RFT1: variants seen among roughly 807,000 people sequenced by gnomAD.
RFT1 encodes man(5)GlcNAc(2)-PP-dolichol translocation protein RFT1.
Under a neutral mutation model 62.2 loss-of-function variants are expected in RFT1, and 43 were observed. The observed-to-expected ratio is 0.69, with a 90% CI of 0.54 to 0.89. The LOEUF is 0.89. RFT1 is among the 40% of genes least tolerant of loss of function. The pLI is 0.00. For synonymous variants in RFT1, 262 were observed against 264.6 expected, an observed-to-expected ratio of 0.99 and a Z score of 0.10; for missense variants, 605 against 649.9, an observed-to-expected ratio of 0.93 and a Z score of 0.75.
the RFT1 span, among the ~76,000 whole-genome samples, chr3:53,073,869 A>G: frequency 6.6e-6 from 1 of 152,206 alleles, no homozygotes; most frequent in African/African-American, 2.4e-5. Flanking sequence ...TGTCCCAGGA[A>G]GCACAGGGCT....
chr3:53,103,812 C>T lies in RFT1; in HGVS notation c.1102+141G>A, dbSNP rs893473946. ...TGTGTCTGGAGTTGAACGAGGGGAACAGTCCCACAGCCCCTGCCACCAGAC... is the reference window on the plus strand; with the variant it reads ...TGTGTCTGGAGTTGAACGAGGGGAATAGTCCCACAGCCCCTGCCACCAGAC... On this transcript the variant is annotated intron_variant, in intron 10 of 12. Transcript: ENST00000296292. The T allele has an allele frequency of 2.2e-5, 23 of 1,038,242 alleles. No individual in the cohort carries two copies. In the African/African-American group the frequency reaches 3.3e-4, roughly 15 times the overall value. The allele number at this position is 1,038,242 out of a possible 1,614,324, so 64.3% of individuals were successfully genotyped here.
chr3:53,096,945 A>G (rs1701159908), intron 11 of RFT1, among the ~76,000 whole-genome samples: 1 of 151,956 alleles, frequency 6.6e-6, no homozygotes, highest in Admixed American at 6.6e-5. Flanking sequence ...GGGTTTCACC[A>G]TGTTGGCCAG....
intron 10 of RFT1, among the ~76,000 whole-genome samples, chr3:53,100,842 G>C (rs1045516289): frequency 1.3e-5 from 2 of 152,144 alleles, no homozygotes; most frequent in Non-Finnish European, 2.9e-5. Context: ...TTCTATGTCT[G>C]AATCTGTTTG....
At chr3:53,084,866 T>A (rs1218299852), downstream of RFT1, among the ~76,000 whole-genome samples, 2 of 152,238 alleles carry the variant, frequency 1.3e-5, no homozygotes, top group Non-Finnish European at 2.9e-5. Flanking sequence ...TCAGCTGTTA[T>A]GTCACGGGTC....
intron 6 of RFT1, among the ~76,000 whole-genome samples, chr3:53,115,783 T>C (rs1331207349): frequency 6.6e-6 from 1 of 152,244 alleles, no homozygotes; most frequent in African/African-American, 2.4e-5. Context: ...TGTTCCTAGA[T>C]GGAATTCAGC....
In RFT1 at chr3:53,103,946, T is replaced by A; in HGVS notation, c.1102+7A>T. ...CAGAAAAAATCCAGAAAAACTCTTG[T>A]GCGTACCGGATCCTGAGCTAAGCAT... On this transcript the variant is annotated splice_region_variant and intron_variant, in intron 10 of 12. Coordinates refer to ENST00000296292, the MANE Select transcript of RFT1 (RefSeq NM_052859.4). 6.2e-7 allele frequency: 1 copy of A among 1,614,210 alleles called. No individual in the cohort carries two copies. The highest frequency in any genetic ancestry group is 8.5e-7 in the Non-Finnish European group (1 of 1,180,016).
chr3:53,116,273 T>A (rs964131363), intron 6 of RFT1, among the ~76,000 whole-genome samples: 1 of 150,054 alleles, frequency 6.7e-6, no homozygotes, highest in Non-Finnish European at 1.5e-5. Flanking sequence ...CGTTCATGCA[T>A]TCAGAATCAT....
the RFT1 span, among the ~76,000 whole-genome samples, chr3:53,073,348 G>T: frequency 6.6e-6 from 1 of 152,214 alleles, no homozygotes; most frequent in African/African-American, 2.4e-5. Flanking sequence ...AAGGGGCTTT[G>T]CCTCTGGACA....
At chr3:53,126,462 C>T (rs577432771) in intron 1 of RFT1, among the ~76,000 whole-genome samples, 5 of 152,318 alleles carry the variant, frequency 3.3e-5, no homozygotes, top group African/African-American at 1.2e-4. Flanking sequence ...TCTCTTTTCT[C>T]CTCTGCCTCA....
downstream of RFT1, among the ~76,000 whole-genome samples, chr3:53,088,143 A>G: frequency 6.6e-6 from 1 of 152,234 alleles, no homozygotes; most frequent in East Asian, 1.9e-4. Flanking sequence ...CTTCTCAAGG[A>G]ATGGCCGTTT....
chr3:53,089,566 A>C lies in RFT1; in HGVS notation c.*2337T>G, dbSNP rs1700935739. 1 of 152,238 alleles carries C rather than the reference A, an allele frequency of 6.6e-6. No individual in the cohort carries two copies. Among genetic ancestry groups the C allele is most frequent in the Non-Finnish European group, 1.5e-5 (1 of 68,110 alleles). The allele number at this position is 152,238 out of a possible 1,614,324, so 9.4% of individuals were successfully genotyped here. A position where few individuals can be genotyped will look rare whatever the true frequency, so the allele number is the denominator to read the frequency against. ...GTGGCTCTAGGGGGTCCAGCAGGGGAAATGCCAGAGGCCTGGTCAGGTCCA... is the reference window on the plus strand; with the variant it reads ...GTGGCTCTAGGGGGTCCAGCAGGGGCAATGCCAGAGGCCTGGTCAGGTCCA... On this transcript the variant is annotated 3_prime_UTR_variant, in exon 13 of 13. Transcript: ENST00000296292.
intron 7 of RFT1, among the ~76,000 whole-genome samples, chr3:53,109,595 A>T (rs1169126850): frequency 6.6e-6 from 1 of 152,174 alleles, no homozygotes; most frequent in East Asian, 1.9e-4. Flanking sequence ...GGATCGCTTG[A>T]GTCCAGGAGT....
chr3:53,104,855 G>A (rs756932564), intron 9 of RFT1, among the ~76,000 whole-genome samples: 11 of 152,186 alleles, frequency 7.2e-5, no homozygotes, highest in Non-Finnish European at 1.5e-4. Context: ...TTACCAACCC[G>A]AGTATACAGA....
chr3:53,095,334 T>G (rs1430684472), intron 11 of RFT1, among the ~76,000 whole-genome samples: 1 of 152,204 alleles, frequency 6.6e-6, no homozygotes, highest in Non-Finnish European at 1.5e-5. Flanking sequence ...CCTGTAAGGT[T>G]TGGTTAACAT....
chr3:53,075,606 C>T, the RFT1 span, among the ~76,000 whole-genome samples: 4 of 152,216 alleles, frequency 2.6e-5, no homozygotes, highest in Non-Finnish European at 5.9e-5. Flanking sequence ...GAGCTCTTGA[C>T]TCAGGAGGCT....
chr3:53,098,801 C>CAAAAAA (rs35371104), intron 11 of RFT1, among the ~76,000 whole-genome samples: 10 of 57,602 alleles, frequency 1.7e-4, no homozygotes, highest in Non-Finnish European at 2.0e-4. Context: ...GACTCCATCT[C>CAAAAAA]AAAAAAAAAA....
chr3:53,105,428 A>G (rs900568302), intron 9 of RFT1, among the ~76,000 whole-genome samples: 1 of 126,092 alleles, frequency 7.9e-6, no homozygotes, highest in South Asian at 2.7e-4. Context: ...CCCCCCCCCA[A>G]AAAGAGTAAG....
chr3:53,093,823 T>C (rs1301844159), intron 11 of RFT1, among the ~76,000 whole-genome samples: 1 of 152,096 alleles, frequency 6.6e-6, no homozygotes, highest in Non-Finnish European at 1.5e-5. Context: ...GAGTTTCAGA[T>C]CAGCCTGGGC....
At position 53,090,986 on chromosome 3, in the gene RFT1, T is replaced by A. The variant is rs1700972659; in HGVS notation, c.*917A>T. 6.6e-6 allele frequency: 1 copy of A among 152,248 alleles called. No homozygotes were observed. The highest frequency in any genetic ancestry group is 2.4e-5 in the African/African-American group (1 of 41,460). 9.4% of individuals were successfully genotyped at this position (152,248 alleles called of 1,614,324 possible). ...GGACCTGACTCAGTAATACTAGCCA[T>A]ATAGAGTTTGCCTTGTCTTATTCTG... On this transcript the variant is annotated 3_prime_UTR_variant, in exon 13 of 13. Coordinates refer to ENST00000296292, the MANE Select transcript of RFT1 (RefSeq NM_052859.4).
Sources: allele counts gnomAD v4.1 joint callset (sites outside exome capture counted in the v4.1 genomes callset), GRCh38; gene constraint gnomAD v4.1.1; transcripts MANE v1.5; gene names NCBI Gene and HGNC (gene_info 2026-07-23, HGNC 2026-07-21).